Variants in RBMS3 observed in about 807,000 individuals in gnomAD.
RBMS3 encodes RNA binding motif single stranded interacting protein 3.
Under a neutral mutation model 66.8 loss-of-function variants are expected in RBMS3, and 27 were observed. The observed-to-expected ratio is 0.40, with a 90% CI of 0.30 to 0.56. RBMS3 has a LOEUF of 0.56. Among genes scored for constraint, RBMS3 ranks in the 20% least tolerant of loss-of-function variants. The pLI is 0.40. For missense variants in RBMS3, 513 were observed against 549.5 expected (o/e 0.93, Z 0.66); for synonymous variants, 188 against 183.0 (o/e 1.03, Z -0.22).
intron 1 of RBMS3, among the ~76,000 whole-genome samples, chr3:29,298,316 T>A (rs1310255216): frequency 6.6e-6 from 1 of 151,928 alleles, no homozygotes; most frequent in African/African-American, 2.4e-5. Context: ...GAATGGAGAA[T>A]CCTCCACTTC....
At chr3:29,397,663 C>T (rs189551103) in intron 1 of RBMS3, among the ~76,000 whole-genome samples, 1 of 152,256 alleles carries the variant, frequency 6.6e-6, no homozygotes, top group East Asian at 1.9e-4. Context: ...TTATCCTCTT[C>T]TTCTTCAACT....
chr3:29,306,017 A>G (rs867620508), intron 1 of RBMS3, among the ~76,000 whole-genome samples: 1 of 152,088 alleles, frequency 6.6e-6, no homozygotes, highest in Middle Eastern at 3.4e-3. Context: ...ATGAAGAAAC[A>G]ATGGCACATG....
intron 4 of RBMS3, among the ~76,000 whole-genome samples, chr3:29,728,792 ATT>A (rs143413160): frequency 2.6e-5 from 4 of 151,652 alleles, no homozygotes; most frequent in African/African-American, 9.7e-5. Context: ...GTATAGCAGA[ATT>A]TTTTTTTAAG....
At chr3:29,916,221 C>G (rs1214338058) in intron 10 of RBMS3, among the ~76,000 whole-genome samples, 1 of 151,992 alleles carries the variant, frequency 6.6e-6, no homozygotes, top group Non-Finnish European at 1.5e-5. Context: ...TGTACTCTCT[C>G]TGATAAATCT....
intron 7 of RBMS3, among the ~76,000 whole-genome samples, chr3:29,869,666 T>C (rs1411041550): frequency 6.6e-6 from 1 of 152,170 alleles, no homozygotes; most frequent in Non-Finnish European, 1.5e-5. Flanking sequence ...TGGGTTCTTT[T>C]TGTTACTTTT....
At chr3:29,350,899 A>G (rs1027252272) in intron 1 of RBMS3, among the ~76,000 whole-genome samples, 2 of 152,020 alleles carry the variant, frequency 1.3e-5, no homozygotes, top group African/African-American at 4.8e-5. Flanking sequence ...AAAAATTAAT[A>G]CTATGGAAAG....
intron 6 of RBMS3, among the ~76,000 whole-genome samples, chr3:29,866,762 C>G (rs185309459): frequency 2.0e-5 from 3 of 152,168 alleles, no homozygotes; most frequent in African/African-American, 4.8e-5. Context: ...TACAGTACTT[C>G]TAACATAAAG....
chr3:29,513,257 A>T (rs1390443728), intron 3 of RBMS3, among the ~76,000 whole-genome samples: 1 of 152,142 alleles, frequency 6.6e-6, no homozygotes, highest in Non-Finnish European at 1.5e-5. Context: ...TGAAAACTGT[A>T]CTTGTTTGAT....
At chr3:29,919,013 G>A (rs1398366718) in intron 10 of RBMS3, among the ~76,000 whole-genome samples, 3 of 151,838 alleles carry the variant, frequency 2.0e-5, no homozygotes. Context: ...TTTTATATAT[G>A]CTTGAATTAT....
intron 3 of RBMS3, among the ~76,000 whole-genome samples, chr3:29,536,023 G>C (rs923097039): frequency 6.6e-6 from 1 of 152,018 alleles, no homozygotes; most frequent in Non-Finnish European, 1.5e-5. Flanking sequence ...CACAGAATTA[G>C]CTAGACATAT....
intron 14 of RBMS3, among the ~76,000 whole-genome samples, chr3:29,993,594 GAATAGAGCAAA>G (rs1699021198): frequency 6.6e-6 from 1 of 152,130 alleles, no homozygotes; most frequent in African/African-American, 2.4e-5. Context: ...TTGAACCCCT[GAATAGAGCAAA>G]AAGATTGAAC....
intron 6 of RBMS3, among the ~76,000 whole-genome samples, chr3:29,811,633 C>T (rs1329156865): frequency 1.3e-5 from 2 of 152,120 alleles, no homozygotes; most frequent in African/African-American, 4.8e-5. Context: ...CCCCATTATT[C>T]CCTCCAGTTT....
intron 1 of RBMS3, among the ~76,000 whole-genome samples, chr3:29,344,389 C>G (rs974343833): frequency 6.6e-6 from 1 of 152,142 alleles, no homozygotes; most frequent in Non-Finnish European, 1.5e-5. Context: ...GTAGAACAGA[C>G]ACTCCAAAAA....
At chr3:29,596,127 T>G (rs2047934566) in intron 4 of RBMS3, among the ~76,000 whole-genome samples, 1 of 152,210 alleles carries the variant, frequency 6.6e-6, no homozygotes, top group African/African-American at 2.4e-5. Context: ...GACCCAACTA[T>G]GTAACCAACT....
At chr3:29,490,210 T>G (rs1345011793) in intron 3 of RBMS3, among the ~76,000 whole-genome samples, 1 of 151,674 alleles carries the variant, frequency 6.6e-6, no homozygotes, top group East Asian at 1.9e-4. Context: ...CAAAATATGA[T>G]TCTGCAGGTG....
At chr3:29,547,624 C>A (rs1387102745) in intron 3 of RBMS3, among the ~76,000 whole-genome samples, 1 of 151,820 alleles carries the variant, frequency 6.6e-6, no homozygotes, top group Non-Finnish European at 1.5e-5. Flanking sequence ...GATTCACTGG[C>A]CATAATTACA....
chr3:29,473,842 C>T (rs547780159), intron 2 of RBMS3, among the ~76,000 whole-genome samples: 61 of 152,352 alleles, frequency 4.0e-4, no homozygotes, highest in South Asian at 8.3e-4. Context: ...CCAGCTGTCC[C>T]GCAAGCGCCG....
intron 3 of RBMS3, among the ~76,000 whole-genome samples, chr3:29,539,646 T>C (rs2045689200): frequency 6.6e-6 from 1 of 152,224 alleles, no homozygotes; most frequent in South Asian, 2.1e-4. Context: ...GACTTCTCTC[T>C]TAGTTCTTTG....
intron 7 of RBMS3, among the ~76,000 whole-genome samples, chr3:29,870,866 AT>A (rs2059474256): frequency 6.6e-6 from 1 of 152,132 alleles, no homozygotes; most frequent in East Asian, 1.9e-4. Context: ...TTGAGAGAAG[AT>A]AGATTAGGCA....
Sources: allele counts gnomAD v4.1 joint callset (sites outside exome capture counted in the v4.1 genomes callset), GRCh38; gene constraint gnomAD v4.1.1; transcripts MANE v1.5; gene names NCBI Gene and HGNC (gene_info 2026-07-23, HGNC 2026-07-21).